ARHGAP10: variants seen among roughly 807,000 people sequenced by gnomAD.
ARHGAP10 encodes rho GTPase-activating protein 10.
In ARHGAP10, 87 loss-of-function variants were observed where a neutral mutation model predicts 108.6. The ratio of observed to expected loss-of-function variants is 0.80; its 90% CI spans 0.67 to 0.96. The LOEUF is 0.96. ARHGAP10 is among the 40% of genes least tolerant of loss of function. The pLI is 0.00. For missense variants in ARHGAP10, 939 were observed against 954.5 expected (o/e 0.98, Z 0.21); for synonymous variants, 347 against 341.1 (o/e 1.02, Z -0.19).
At chr4:147,930,333 C>T (rs183065867) in intron 13 of ARHGAP10, among the ~76,000 whole-genome samples, 117 of 152,192 alleles carry the variant, frequency 7.7e-4, no homozygotes, top group Non-Finnish European at 1.4e-3. Flanking sequence ...TCCGTATTTC[C>T]CTTACTGATT....
chr4:147,844,458 A>C (rs766658637), intron 3 of ARHGAP10, among the ~76,000 whole-genome samples: 1 of 152,122 alleles, frequency 6.6e-6, no homozygotes, highest in Non-Finnish European at 1.5e-5. Context: ...TTTTGTACCC[A>C]TTAACCATCC....
intron 13 of ARHGAP10, among the ~76,000 whole-genome samples, chr4:147,915,206 G>A (rs1433995800): frequency 6.6e-6 from 1 of 152,148 alleles, no homozygotes. Flanking sequence ...TAACAACAAC[G>A]TATGCCACAG....
chr4:147,797,365 A>C (rs1287173871), intron 1 of ARHGAP10, among the ~76,000 whole-genome samples: 1 of 151,994 alleles, frequency 6.6e-6, no homozygotes. Context: ...TACTGTGTGC[A>C]TGTCTGGAGT....
Position 147,805,135 on chromosome 4 carries a change from T to C in ARHGAP10, c.155-17592T>C, listed in dbSNP as rs559591381. Among the ~76,000 whole-genome samples, 9 of 152,322 alleles carry C rather than the reference T, an allele frequency of 5.9e-5. No homozygotes were observed. The East Asian group carries it at 1.7e-3, about 29-fold the overall frequency. On this transcript the variant is annotated intron_variant, in intron 1 of 22. Coordinates refer to ENST00000336498, the MANE Select transcript of ARHGAP10 (RefSeq NM_024605.4). ...TTACATTGAAGTCTTTAATTCATCT[T>C]GAGTTAATTTTTGTATATGGAGTTA...
At chr4:147,852,153 T>A (rs559216703) in intron 4 of ARHGAP10, among the ~76,000 whole-genome samples, 3 of 152,132 alleles carry the variant, frequency 2.0e-5, no homozygotes, top group Non-Finnish European at 4.4e-5. Flanking sequence ...CAAACAGGAG[T>A]TGCTCAGCTT....
At chr4:147,915,592 G>A (rs1736947004) in intron 13 of ARHGAP10, among the ~76,000 whole-genome samples, 1 of 152,050 alleles carries the variant, frequency 6.6e-6, no homozygotes, top group South Asian at 2.1e-4. Flanking sequence ...ATTGGAATCT[G>A]GAGGCATTGA....
intron 1 of ARHGAP10, among the ~76,000 whole-genome samples, chr4:147,779,630 GT>G (rs1730449822): frequency 6.6e-6 from 1 of 152,176 alleles, no homozygotes. Context: ...CAGTTTGGGA[GT>G]CTGGGGAGTG....
intron 1 of ARHGAP10, among the ~76,000 whole-genome samples, chr4:147,820,472 G>C (rs1429131812): frequency 6.6e-6 from 1 of 151,218 alleles, no homozygotes; most frequent in Non-Finnish European, 1.5e-5. Context: ...TTTTAGTAGA[G>C]ATGGGTTTTC....
intron 10 of ARHGAP10, among the ~76,000 whole-genome samples, chr4:147,888,297 T>C (rs1560810641): frequency 1.3e-5 from 2 of 152,232 alleles, no homozygotes; most frequent in Non-Finnish European, 2.9e-5. Flanking sequence ...ATCTTGTCCC[T>C]GACCTCCAGC....
At chr4:148,043,614 AATATATATAT>A (rs57931206) in intron 19 of ARHGAP10, among the ~76,000 whole-genome samples, 9,216 of 54,948 alleles carry the variant, frequency 0.17, 1,091 homozygotes, top group African/African-American at 0.24. Context: ...CCCTCTCTCT[AATATATATAT>A]ATATATATAT....
chr4:148,018,943 T>A (rs1394350714), intron 18 of ARHGAP10, among the ~76,000 whole-genome samples: 25 of 152,240 alleles, frequency 1.6e-4, no homozygotes, highest in Non-Finnish European at 1.0e-4. Context: ...CTGTTGAGAT[T>A]ATTAAACTGC....
At position 147,946,670 on chromosome 4, in the gene ARHGAP10, A is replaced by C. The variant is rs1738392716; in HGVS notation, c.1357A>C (p.Lys453Gln). The change falls in exon 15 of 23, where the codon AAG becomes CAG. Residue 453 changes from lysine (K) to glutamine (Q), a missense_variant. Lys to Gln is a moderately conservative substitution (Grantham distance 53). Transcript: ENST00000336498. ...DLENSADWEV[K>Q]TITSALKQYL... ...GGAGAATTCTGCAGATTGGGAAGTG[A>C]AGACAATAACAAGTGCCTTGAAACA... 1.2e-6 allele frequency: 2 copies of C among 1,612,510 alleles called. No homozygotes were observed. Among genetic ancestry groups the C allele is most frequent in the South Asian group, 2.2e-5 (2 of 90,608 alleles).
chr4:148,016,533 T>C (rs1741353396), intron 18 of ARHGAP10, among the ~76,000 whole-genome samples: 1 of 151,688 alleles, frequency 6.6e-6, no homozygotes, highest in Admixed American at 6.6e-5. Context: ...AGGGAAAAAA[T>C]GCAAATTGTT....
At position 147,739,079 on chromosome 4, in the gene ARHGAP10, C is replaced by T. The variant is rs139132168; in HGVS notation, c.154+6624C>T. ...GCAGGCGCCTGTAATCCTAGCTTCT[C>T]GGGAGGCCGAGGCAGGAGAGTTGCT... On this transcript the variant is annotated intron_variant, in intron 1 of 22. Transcript: ENST00000336498. Among the ~76,000 whole-genome samples the T allele has an allele frequency of 1.8e-3, 274 of 149,288 alleles. 1 individual carries two copies. Among genetic ancestry groups the T allele is most frequent in the East Asian group, 3.8e-3 (19 of 5,000 alleles).
chr4:147,769,096 C>T (rs1029431358), intron 1 of ARHGAP10, among the ~76,000 whole-genome samples: 6 of 152,050 alleles, frequency 3.9e-5, no homozygotes, highest in African/African-American at 4.8e-5. Flanking sequence ...AATTATGCAG[C>T]ATGATTTCAT....
At chr4:147,876,004 GT>G (rs1311960305) in intron 8 of ARHGAP10, among the ~76,000 whole-genome samples, 2 of 152,156 alleles carry the variant, frequency 1.3e-5, no homozygotes, top group African/African-American at 4.8e-5. Context: ...GTGTTTTACA[GT>G]TTTCACTTCA....
chr4:147,769,025 A>G lies in ARHGAP10; in HGVS notation c.154+36570A>G, dbSNP rs1579021298. ...AGTGCTGGGATTACAGGTGTGAGCC[A>G]CTGCGTCCAGCCTTCATTCAGCATA... On this transcript the variant is annotated intron_variant, in intron 1 of 22. Transcript: ENST00000336498. Among the ~76,000 whole-genome samples, 3 of 152,272 alleles carry G rather than the reference A, an allele frequency of 2.0e-5. No individual in the cohort carries two copies. In the South Asian group the frequency reaches 6.2e-4, roughly 32 times the overall value.
intron 20 of ARHGAP10, among the ~76,000 whole-genome samples, chr4:148,060,843 G>A (rs1264004746): frequency 2.0e-5 from 3 of 152,182 alleles, no homozygotes; most frequent in South Asian, 2.1e-4. Flanking sequence ...ATCACATAGC[G>A]CATGTGTTAA....
At chr4:148,042,720 G>A (rs1728688287) in intron 19 of ARHGAP10, among the ~76,000 whole-genome samples, 2 of 152,132 alleles carry the variant, frequency 1.3e-5, no homozygotes, top group South Asian at 4.1e-4. Flanking sequence ...GCATCTTTGG[G>A]TTAGGGACTG....
Sources: gnomAD v4.1 joint callset for allele counts (sites outside exome capture counted in the v4.1 genomes callset) on GRCh38, gnomAD v4.1.1 for gene constraint, MANE v1.5 for transcripts, NCBI Gene and HGNC (gene_info 2026-07-23, HGNC 2026-07-21) for gene names.